HYCC2: variants seen among roughly 807,000 people sequenced by gnomAD.
HYCC2 encodes the protein hyccin PI4KA lipid kinase complex subunit 2, also known as hyccin 2.
chr2:201,024,889 G>T, the HYCC2 span, among the ~76,000 whole-genome samples: 2 of 152,168 alleles, frequency 1.3e-5, no homozygotes, highest in African/African-American at 2.4e-5. Context: ...GCTGAGGCAG[G>T]ACTGAGCCCA....
the HYCC2 span, among the ~76,000 whole-genome samples, chr2:200,993,455 T>C: frequency 4.6e-5 from 7 of 152,176 alleles, no homozygotes; most frequent in Non-Finnish European, 1.0e-4. Context: ...AACAACTCCC[T>C]AACATCCATT....
the HYCC2 span, among the ~76,000 whole-genome samples, chr2:200,995,802 CTG>C: frequency 5.3e-5 from 8 of 152,290 alleles, no homozygotes; most frequent in Non-Finnish European, 1.2e-4. Context: ...CCCACAAAAA[CTG>C]TGAAATAATA....
chr2:201,004,845 G>A, the HYCC2 span, among the ~76,000 whole-genome samples: 3 of 151,874 alleles, frequency 2.0e-5, no homozygotes, highest in Non-Finnish European at 1.5e-5. Flanking sequence ...GTGAAACCCC[G>A]TCTCTACTAA....
the HYCC2 span, among the ~76,000 whole-genome samples, chr2:201,033,147 G>A: frequency 1.6e-5 from 2 of 128,614 alleles, no homozygotes; most frequent in African/African-American, 6.4e-5. Context: ...AAAGCTATTT[G>A]TATGTGTGTG....
At chr2:200,994,526 C>T in the HYCC2 span, among the ~76,000 whole-genome samples, 4 of 152,192 alleles carry the variant, frequency 2.6e-5, no homozygotes, top group Non-Finnish European at 4.4e-5. Context: ...CATGAGCCAC[C>T]GCGCCTGGCC....
chr2:201,066,967 C>A, the HYCC2 span: 1 of 254,412 alleles, frequency 3.9e-6, no homozygotes, highest in East Asian at 1.2e-4. Flanking sequence ...CAAGTTCCTG[C>A]TGACCAGAGT....
chr2:200,997,610 T>C, the HYCC2 span: 1 of 915,584 alleles, frequency 1.1e-6, no homozygotes, highest in Non-Finnish European at 1.8e-6. Context: ...GTTATGACAA[T>C]GCCTTAATAT....
chr2:201,011,467 G>T, the HYCC2 span: 3 of 1,553,320 alleles, frequency 1.9e-6, no homozygotes, highest in Admixed American at 1.9e-5. Flanking sequence ...CTTTATCAGC[G>T]ATTTCCTATA....
At chr2:201,025,760 G>A in the HYCC2 span, among the ~76,000 whole-genome samples, 3 of 151,976 alleles carry the variant, frequency 2.0e-5, no homozygotes, top group Admixed American at 6.6e-5. Flanking sequence ...ATGGTCTGAT[G>A]GTATAGGAAG....
chr2:201,050,637 A>C, the HYCC2 span, among the ~76,000 whole-genome samples: 8 of 151,762 alleles, frequency 5.3e-5, no homozygotes, highest in African/African-American at 1.7e-4. Context: ...TCCTATTTTT[A>C]AGAACCATTA....
chr2:201,008,892 G>C, the HYCC2 span: 1 of 878,836 alleles, frequency 1.1e-6, no homozygotes, highest in African/African-American at 1.6e-5. Context: ...GACAGAGTGA[G>C]ACTCTGTCAT....
the HYCC2 span, among the ~76,000 whole-genome samples, chr2:200,998,796 T>C: frequency 1.3e-5 from 2 of 152,208 alleles, no homozygotes; most frequent in Non-Finnish European, 2.9e-5. Context: ...AAGCTTCCCA[T>C]AGATGAATGG....
chr2:200,998,506 A>G, the HYCC2 span, among the ~76,000 whole-genome samples: 1 of 152,134 alleles, frequency 6.6e-6, no homozygotes, highest in Admixed American at 6.5e-5. Context: ...TGTCTCTTTC[A>G]CCCGTTTAGT....
the HYCC2 span, among the ~76,000 whole-genome samples, chr2:201,047,137 C>T: frequency 1.3e-5 from 2 of 151,840 alleles, no homozygotes; most frequent in African/African-American, 2.4e-5. Context: ...ACTCTAGAAC[C>T]GAAAAATACA....
At chr2:201,013,257 G>A in the HYCC2 span, among the ~76,000 whole-genome samples, 1 of 151,998 alleles carries the variant, frequency 6.6e-6, no homozygotes, top group Admixed American at 6.5e-5. Context: ...ATCACTTGAG[G>A]TCAGGAGTTC....
the HYCC2 span, chr2:200,979,192 TC>T: frequency 6.6e-6 from 1 of 151,922 alleles, no homozygotes; most frequent in Non-Finnish European, 1.5e-5. Context: ...TTATTTGACA[TC>T]CCTTAAATTA....
chr2:200,999,699 A>C, the HYCC2 span, among the ~76,000 whole-genome samples: 2 of 149,450 alleles, frequency 1.3e-5, no homozygotes, highest in Non-Finnish European at 3.0e-5. Flanking sequence ...CTATTCCCCT[A>C]TTCTTAAACA....
At chr2:201,045,145 C>G in the HYCC2 span, among the ~76,000 whole-genome samples, 3 of 152,144 alleles carry the variant, frequency 2.0e-5, no homozygotes, top group Admixed American at 2.0e-4. Context: ...TAGGAAGCTA[C>G]TTGTGGCTAG....
chr2:201,060,424 GTTTTTTTAAAAGATGAGAGATATAGCCC>G, the HYCC2 span, among the ~76,000 whole-genome samples: 1 of 152,104 alleles, frequency 6.6e-6, no homozygotes, highest in African/African-American at 2.4e-5. Context: ...TTCTAGAGAG[GTTTTTTTAAAAGATGAGAGATATAGCCC>G]TTTTGTCTAT....
Sources: allele counts gnomAD v4.1 joint callset (sites outside exome capture counted in the v4.1 genomes callset), GRCh38; gene constraint gnomAD v4.1.1; transcripts MANE v1.5; gene names NCBI Gene and HGNC (gene_info 2026-07-23, HGNC 2026-07-21).